The following ACSM1 variants were observed in gnomAD, a reference collection of about 807,000 sequenced individuals.
ACSM1 encodes acyl-coenzyme A synthetase ACSM1, mitochondrial.
ACSM1 carries 79 observed loss-of-function variants against 75.8 expected under a neutral mutation model. That is an observed-to-expected ratio of 1.04 (90% CI 0.87 to 1.26). The LOEUF (loss-of-function observed/expected upper bound fraction) is 1.26. Among genes scored for constraint, ACSM1 ranks in the 50% most tolerant of loss-of-function variants. The pLI, the probability that ACSM1 is intolerant of heterozygous loss-of-function variation, is 0.00. For synonymous variants in ACSM1, 279 were observed against 265.8 expected, an observed-to-expected ratio of 1.05 and a Z score of -0.48; for missense variants, 676 against 720.1, an observed-to-expected ratio of 0.94 and a Z score of 0.70.
chr16:20,635,754 C>T (rs1356792796), intron 10 of ACSM1, among the ~76,000 whole-genome samples: 1 of 152,018 alleles, frequency 6.6e-6, no homozygotes, highest in Non-Finnish European at 1.5e-5. Context: ...ATTCTCCTGC[C>T]TCAGCTTCCC....
rs547588700 is a variant in ACSM1, at chr16:20,637,239, A to G, written c.1197+132T>C. 71 of 825,392 alleles carry G rather than the reference A, an allele frequency of 8.6e-5. 1 individual carries two copies. In the Admixed American group the frequency reaches 8.8e-4, roughly 10 times the overall value. 51.1% of individuals were successfully genotyped at this position (825,392 alleles called of 1,614,324 possible). A position where few individuals can be genotyped will look rare whatever the true frequency, so the allele number is the denominator to read the frequency against. On this transcript the variant is annotated intron_variant, in intron 9 of 13. Transcript: ENST00000520010. ...CAACTGAGGCCTCCATATGAAACTG[A>G]AGGGATAAATGAGAAGAGAGGAGGA...
rs532894700 is a variant in ACSM1, at chr16:20,624,155, T to A, written c.1588A>T (p.Thr530Ser). 1.5e-5 allele frequency: 24 copies of A among 1,613,540 alleles called. No homozygotes were observed. In the South Asian group the frequency reaches 2.6e-4, roughly 18 times the overall value. The change falls in exon 13 of 14, where the codon ACC becomes TCC. Residue 530 changes from threonine (T) to serine (S), a missense_variant. Thr to Ser is a moderately conservative substitution (Grantham distance 58). Transcript: ENST00000520010. ...QFLSHDKDQL[T>S]KELQQHVKSV... ...TTGACATGCTGCTGCAGTTCCTTGG[T>A]CAGCTGATCCTTGTCATGGGACAGG...
Position 20,623,252 on chromosome 16 carries a change from T to C in ACSM1, c.*234A>G. ...ACAGGGTATTGTTGATATCAGTATT[T>C]TATTACTTGCGTTATGAGTGCTCAC... On this transcript the variant is annotated 3_prime_UTR_variant, in exon 14 of 14. Coordinates refer to ENST00000520010, the MANE Select transcript of ACSM1 (RefSeq NM_001318890.3). 2.1e-6 allele frequency: 1 copy of C among 487,354 alleles called. No individual in the cohort carries two copies. 30.2% of individuals were successfully genotyped at this position (487,354 alleles called of 1,614,324 possible).
At chr16:20,640,044 C>T (rs1465981685) in intron 8 of ACSM1, among the ~76,000 whole-genome samples, 1 of 152,224 alleles carries the variant, frequency 6.6e-6, no homozygotes, top group African/African-American at 2.4e-5. Flanking sequence ...ACATTTATAG[C>T]TCATCTTCAC....
At chr16:20,625,626 G>T (rs553601425) in intron 11 of ACSM1, 104 bp from the exon 12 acceptor site, 38 of 1,026,342 alleles carry the variant, frequency 3.7e-5, no homozygotes, top group South Asian at 2.9e-4. Context: ...GAGGGTGGAG[G>T]TCATAGGAAG....
intron 3 of ACSM1, among the ~76,000 whole-genome samples, chr16:20,683,641 C>T (rs1216999616): frequency 2.2e-5 from 2 of 90,934 alleles, no homozygotes; most frequent in Non-Finnish European, 4.6e-5. Context: ...GGGCTCAGCT[C>T]AAGTCTTTTT....
In ACSM1 at chr16:20,661,796, G is replaced by A. The variant is rs143826162; in HGVS notation, c.990C>T (p.Thr330=). The stretch of plus-strand genomic sequence containing the variant: ...GTTACAAGCCACTTCTACCATACCT[G>A]GTGAAATCCTGCTGCAGAATCATTC... ...IYRMILQQDF[T]SIRFPALEHC... The change falls in exon 7 of 14, where the codon ACC becomes ACT. Residue 330 remains threonine (T), a splice_region_variant and synonymous_variant. Transcript: ENST00000520010. 54 of 1,606,248 alleles carry A rather than the reference G, an allele frequency of 3.4e-5. No individual in the cohort carries two copies. Among genetic ancestry groups the A allele is most frequent in the Non-Finnish European group, 4.4e-5 (52 of 1,174,260 alleles).
chr16:20,658,440 C>A (rs1444944780), intron 7 of ACSM1, among the ~76,000 whole-genome samples: 1 of 151,330 alleles, frequency 6.6e-6, no homozygotes, highest in Non-Finnish European at 1.5e-5. Context: ...CCTTCACCCA[C>A]TTTTTGATGG....
intron 7 of ACSM1, among the ~76,000 whole-genome samples, chr16:20,652,848 T>G (rs773606796): frequency 2.0e-5 from 3 of 152,200 alleles, no homozygotes; most frequent in Non-Finnish European, 4.4e-5. Flanking sequence ...GTACCATTCC[T>G]TCTGAAACTA....
chr16:20,658,414 A>T (rs1452354954), intron 7 of ACSM1, among the ~76,000 whole-genome samples: 3 of 151,816 alleles, frequency 2.0e-5, no homozygotes, highest in Non-Finnish European at 4.4e-5. Flanking sequence ...TTCTCTTGAG[A>T]AGTGTCTGTT....
chr16:20,655,878 G>C (rs528783631), intron 7 of ACSM1, among the ~76,000 whole-genome samples: 255 of 152,224 alleles, frequency 1.7e-3, no homozygotes, highest in African/African-American at 6.0e-3. Flanking sequence ...GGCCAGGCTG[G>C]TCTCGAACTC....
At chr16:20,635,596 CTTTCTTTCTTTCTTTCTTTCTTT>C (rs1412521680) in intron 10 of ACSM1, among the ~76,000 whole-genome samples, 121 of 25,056 alleles carry the variant, frequency 4.8e-3, no homozygotes, top group African/African-American at 0.041. Context: ...TTCTTTCTTT[CTTTCTTTCTTTCTTTCTTTCTTT>C]CTTTCTTTCT....
intron 1 of ACSM1, among the ~76,000 whole-genome samples, chr16:20,693,498 A>T (rs978234244): frequency 6.6e-6 from 1 of 152,242 alleles, no homozygotes; most frequent in Admixed American, 6.5e-5. Flanking sequence ...GCACTTTATC[A>T]TCATGAACAT....
chr16:20,634,511 C>A (rs965520708), intron 10 of ACSM1, among the ~76,000 whole-genome samples: 1 of 152,150 alleles, frequency 6.6e-6, no homozygotes, highest in African/African-American at 2.4e-5. Flanking sequence ...TTTATTCAGA[C>A]TTACAGAGGA....
chr16:20,633,491 A>C (rs189672998), intron 10 of ACSM1, among the ~76,000 whole-genome samples: 12 of 152,220 alleles, frequency 7.9e-5, no homozygotes, highest in African/African-American at 2.9e-4. Context: ...AGACTTGTAC[A>C]CTGAAAACTA....
Position 20,682,395 on chromosome 16 carries a change from TA to T in ACSM1, c.471del (p.Ala159ProfsTer5). The T allele has an allele frequency of 4.3e-6, 7 of 1,614,044 alleles. No individual in the cohort carries two copies. Among genetic ancestry groups the T allele is most frequent in the Non-Finnish European group, 5.9e-6 (7 of 1,179,942 alleles). Reference sequence around the variant, plus strand: ...TCTATGGTCACAATGCCCTTGGCTTTAGACAACTGTAGTCGATAGAGAATGT... The same window carrying T: ...TCTATGGTCACAATGCCCTTGGCTTTGACAACTGTAGTCGATAGAGAATGT... ...AKDILYRLQLSKAKGIVTIDA... is the reference protein window; with the variant it reads ...AKDILYRLQLXKAKGIVTIDA... On this transcript the variant is annotated frameshift_variant, in exon 4 of 14. Coordinates refer to ENST00000520010, the MANE Select transcript of ACSM1 (RefSeq NM_001318890.3). LOFTEE classifies it high-confidence loss of function.
At chr16:20,626,406 T>C (rs578227550) in intron 11 of ACSM1, among the ~76,000 whole-genome samples, 13 of 152,196 alleles carry the variant, frequency 8.5e-5, no homozygotes, top group Non-Finnish European at 1.8e-4. Context: ...TCAATTTCTC[T>C]AAAATATCCA....
chr16:20,678,280 T>C lies in ACSM1; in HGVS notation c.611+3976A>G, dbSNP rs368095430. Among the ~76,000 whole-genome samples the C allele has an allele frequency of 3.3e-5, 5 of 152,028 alleles. No homozygotes were observed. The South Asian group carries it at 1.0e-3, about 32-fold the overall frequency. On this transcript the variant is annotated intron_variant, in intron 4 of 13. Transcript: ENST00000520010. ...TTGTAAAACAGTTCCACCAAGGAAC[T>C]GACCTGAAAAAAAAACACACAAAAA...
At chr16:20,644,615 T>A (rs2018259739) in intron 7 of ACSM1, among the ~76,000 whole-genome samples, 1 of 151,794 alleles carries the variant, frequency 6.6e-6, no homozygotes, top group Non-Finnish European at 1.5e-5. Flanking sequence ...GAAACTCTTG[T>A]AGAAGCAGAG....
Sources: allele counts gnomAD v4.1 joint callset (sites outside exome capture counted in the v4.1 genomes callset), GRCh38; gene constraint gnomAD v4.1.1; transcripts MANE v1.5; gene names NCBI Gene and HGNC (gene_info 2026-07-23, HGNC 2026-07-21).